UROC1: variants seen among roughly 807,000 people sequenced by gnomAD.
The protein encoded by UROC1 is urocanate hydratase.
In UROC1, 79 loss-of-function variants were observed where a neutral mutation model predicts 89.5. The observed-to-expected ratio is 0.88, with a 90% CI of 0.74 to 1.06. UROC1 has a LOEUF of 1.06. Ranked by LOEUF, UROC1 falls within the 50% of genes least tolerant of loss-of-function variation. The pLI is 0.00. For synonymous variants in UROC1, 361 were observed against 354.8 expected (o/e 1.02, Z -0.20); for missense variants, 885 against 907.8 (o/e 0.97, Z 0.32).
At chr3:126,489,180 G>T in intron 17 of UROC1, 96 bp downstream of exon 17, 3 of 1,242,720 alleles carry the variant, frequency 2.4e-6, no homozygotes, top group South Asian at 1.2e-5. Context: ...TCAGGTGCCA[G>T]AACATCTTTC....
In UROC1 at chr3:126,496,112, CAGGAGAGAGG is replaced by C; in HGVS notation, c.1439-14_1439-5del. 1 of 1,612,562 alleles carries C rather than the reference CAGGAGAGAGG, an allele frequency of 6.2e-7. No homozygotes were observed. ...TGCAGCTTCACAGACACCTTCACTGCAGGAGAGAGGACAGCAGGCGTCAGAGACCCTCCAG... is the reference window on the plus strand; with the variant it reads ...TGCAGCTTCACAGACACCTTCACTGCACAGCAGGCGTCAGAGACCCTCCAG... On this transcript the variant is annotated splice_region_variant and splice_polypyrimidine_tract_variant and intron_variant, in intron 14 of 19. Transcript: ENST00000290868.
intron 1 of UROC1, among the ~76,000 whole-genome samples, chr3:126,514,554 T>G (rs1936259382): frequency 6.6e-6 from 1 of 152,080 alleles, no homozygotes; most frequent in African/African-American, 2.4e-5. Flanking sequence ...CGCACGTTAG[T>G]TCATCCAAAT....
chr3:126,502,756 TGTG>T (rs1935963856), intron 9 of UROC1, among the ~76,000 whole-genome samples: 1 of 31,486 alleles, frequency 3.2e-5, no homozygotes, highest in African/African-American at 9.9e-5. Context: ...ATGTGTATGT[TGTG>T]TGTGTTTGTG....
chr3:126,503,035 A>ATG (rs145109216), intron 9 of UROC1, among the ~76,000 whole-genome samples: 1,604 of 151,172 alleles, frequency 0.011, 28 homozygotes, highest in African/African-American at 0.034. Flanking sequence ...GTGTGCGTTT[A>ATG]TGTGTGTGTG....
chr3:126,510,811 G>C lies in UROC1; in HGVS notation c.127-17C>G. The C allele has an allele frequency of 1.2e-6, 2 of 1,610,886 alleles. No homozygotes were observed. Among genetic ancestry groups the C allele is most frequent in the Non-Finnish European group, 1.7e-6 (2 of 1,179,652 alleles). On this transcript the variant is annotated splice_polypyrimidine_tract_variant and intron_variant, in intron 1 of 19. Transcript: ENST00000290868. ...CAGCGCCAGCTGGGGTAGGAGAGCGGAGAGGCAGTCGGGGCTGGGACTCCA... is the reference window on the plus strand; with the variant it reads ...CAGCGCCAGCTGGGGTAGGAGAGCGCAGAGGCAGTCGGGGCTGGGACTCCA...
chr3:126,517,589 CT>C lies in UROC1; in HGVS notation c.126+4del, dbSNP rs1298774584. On this transcript the variant is annotated splice_donor_region_variant and intron_variant, in intron 1 of 19. Transcript: ENST00000290868. The stretch of plus-strand genomic sequence containing the variant: ...AGGCCTCGGGAGCACGGGCCCACTG[CT>C]TACCTGTTTCTCCACAGGGCTGAGG... 4 of 1,612,294 alleles carry C rather than the reference CT, an allele frequency of 2.5e-6. No individual in the cohort carries two copies. The highest frequency in any genetic ancestry group is 3.4e-6 in the Non-Finnish European group (4 of 1,179,730).
At chr3:126,491,524 G>T (rs1935654381) in intron 16 of UROC1, among the ~76,000 whole-genome samples, 1 of 152,242 alleles carries the variant, frequency 6.6e-6, no homozygotes, top group Non-Finnish European at 1.5e-5. Flanking sequence ...GGTGCATTTG[G>T]CTGTGCCCTA....
At chr3:126,502,765 T>C (rs961382531) in intron 9 of UROC1, among the ~76,000 whole-genome samples, 1 of 142,470 alleles carries the variant, frequency 7.0e-6, no homozygotes, top group African/African-American at 2.6e-5. Context: ...TTGTGTGTGT[T>C]TGTGTGTGCA....
rs1407097136 is a variant in UROC1, at chr3:126,499,362, G to C, written c.1291C>G (p.Pro431Ala). 1.9e-6 allele frequency: 3 copies of C among 1,612,158 alleles called. No homozygotes were observed. The East Asian group carries it at 6.7e-5, about 36-fold the overall frequency. ...CCCATGATGTGCTGCACATAGGAAG[G>C]GTAGCGGAACTCTGTCCTGCCAGCA... ...KGAGRTEFRY[P>A]SYVQHIMGDI... Residue 431 changes from proline to alanine, a missense_variant, in exon 13 of 20, where the codon CCT becomes GCT. Physicochemically the swap from Pro to Ala is conservative, Grantham distance 27. Transcript: ENST00000290868.
intron 1 of UROC1, among the ~76,000 whole-genome samples, chr3:126,512,097 G>T (rs1367971882): frequency 6.6e-6 from 1 of 152,192 alleles, no homozygotes; most frequent in Non-Finnish European, 1.5e-5. Context: ...CACTGGCCTG[G>T]ACTTAATCCT....
chr3:126,491,889 G>C (rs1226245791), intron 16 of UROC1, among the ~76,000 whole-genome samples: 1 of 152,182 alleles, frequency 6.6e-6, no homozygotes, highest in Non-Finnish European at 1.5e-5. Context: ...TCACAGAAGA[G>C]GGAAACCAAG....
chr3:126,512,816 G>A (rs541965620), intron 1 of UROC1, among the ~76,000 whole-genome samples: 1 of 152,262 alleles, frequency 6.6e-6, no homozygotes, highest in South Asian at 2.1e-4. Context: ...AAAAAATGAG[G>A]CTTACAAGAC....
chr3:126,512,133 T>C (rs905265182), intron 1 of UROC1, among the ~76,000 whole-genome samples: 3 of 152,212 alleles, frequency 2.0e-5, no homozygotes, highest in African/African-American at 7.2e-5. Context: ...GAGGCAGCTC[T>C]CCACATTAAA....
At chr3:126,509,770 G>A in intron 2 of UROC1, 92 bp from the exon 3 acceptor site, 1 of 1,210,340 alleles carries the variant, frequency 8.3e-7, no homozygotes. Flanking sequence ...CTCAGGCAAG[G>A]ATAGCCGGAC....
chr3:126,501,182 T>A, intron 10 of UROC1, 36 bp downstream of exon 10: 1 of 1,610,840 alleles, frequency 6.2e-7, no homozygotes, highest in Non-Finnish European at 8.5e-7. Context: ...CCATCTGGGT[T>A]CCCAAGCTGG....
intron 9 of UROC1, among the ~76,000 whole-genome samples, chr3:126,502,147 T>C (rs568438175): frequency 6.6e-6 from 1 of 152,340 alleles, no homozygotes; most frequent in South Asian, 2.1e-4. Flanking sequence ...CATATGTGTA[T>C]GTATGCATGT....
Position 126,500,067 on chromosome 3 carries a change from G to C in UROC1, c.1233C>G (p.Ala411=), listed in dbSNP as rs754450268. The change falls in exon 12 of 20, where the codon GCC becomes GCG. Residue 411 remains alanine, a synonymous_variant. Coordinates refer to ENST00000290868, the MANE Select transcript of UROC1 (RefSeq NM_144639.3). ...CCTCCTTCCTCCTACCTGCTCTCTG[G>C]GCCTCCAAGAGGAAGGCATTGCCGT... The part of the protein sequence containing the change: ...WDYGNAFLLE[A]QRAGADVEKK... 13 of 1,613,130 alleles carry C rather than the reference G, an allele frequency of 8.1e-6. No homozygotes were observed. Among genetic ancestry groups the C allele is most frequent in the Non-Finnish European group, 1.0e-5 (12 of 1,179,912 alleles).
intron 15 of UROC1, 98 bp from the exon 16 acceptor site, chr3:126,492,614 A>C: frequency 1.1e-6 from 1 of 947,102 alleles, no homozygotes; most frequent in Non-Finnish European, 1.6e-6. Context: ...ACTGTGGGAC[A>C]TGGCCCTTGG....
chr3:126,506,246 A>G (rs1486577538), intron 6 of UROC1, among the ~76,000 whole-genome samples: 1 of 152,236 alleles, frequency 6.6e-6, no homozygotes, highest in African/African-American at 2.4e-5. Context: ...TAAAAACTGT[A>G]GTGTAATTGG....
Sources: gnomAD v4.1 joint callset for allele counts (sites outside exome capture counted in the v4.1 genomes callset) on GRCh38, gnomAD v4.1.1 for gene constraint, MANE v1.5 for transcripts, NCBI Gene and HGNC (gene_info 2026-07-23, HGNC 2026-07-21) for gene names.